FBXL7: variants seen among roughly 807,000 people sequenced by gnomAD.
The protein encoded by FBXL7 is F-box and leucine rich repeat protein 7, also known as F-box/LRR-repeat protein 7.
In FBXL7, 12 loss-of-function variants were observed where a neutral mutation model predicts 38.3. The ratio of observed to expected loss-of-function variants is 0.31; its 90% CI spans 0.20 to 0.51. The LOEUF is 0.51. FBXL7 is among the 20% of genes least tolerant of loss of function. The pLI, the probability that FBXL7 is intolerant of heterozygous loss-of-function variation, is 0.98. For missense variants in FBXL7, 567 were observed against 676.4 expected, an observed-to-expected ratio of 0.84 and a Z score of 1.79; for synonymous variants, 297 against 300.9, an observed-to-expected ratio of 0.99 and a Z score of 0.13.
intron 1 of FBXL7, among the ~76,000 whole-genome samples, chr5:15,546,257 C>G (rs1309641312): frequency 6.6e-6 from 1 of 151,788 alleles, no homozygotes; most frequent in African/African-American, 2.4e-5. Context: ...TGGTGAAACC[C>G]CATTTCTGCT....
At chr5:15,845,736 C>T (rs1738878781) in intron 2 of FBXL7, among the ~76,000 whole-genome samples, 1 of 152,082 alleles carries the variant, frequency 6.6e-6, no homozygotes, top group African/African-American at 2.4e-5. Flanking sequence ...CTTTGGGAGG[C>T]CAAGGTGGGT....
At chr5:15,847,528 A>G (rs1033959516) in intron 2 of FBXL7, among the ~76,000 whole-genome samples, 11 of 152,220 alleles carry the variant, frequency 7.2e-5, no homozygotes, top group Admixed American at 7.2e-4. Flanking sequence ...CCCCCACAAT[A>G]TCTGTCCTCT....
chr5:15,915,747 T>G (rs1480302210), intron 2 of FBXL7, among the ~76,000 whole-genome samples: 3 of 152,100 alleles, frequency 2.0e-5, no homozygotes, highest in Non-Finnish European at 4.4e-5. Flanking sequence ...AAGTAAACCC[T>G]GAATGCAGGA....
intron 2 of FBXL7, among the ~76,000 whole-genome samples, chr5:15,801,656 T>TGTGTGTGTGTGTGC (rs869247688): frequency 1.0e-4 from 15 of 147,022 alleles, no homozygotes; most frequent in African/African-American, 3.4e-4. Context: ...TGTGTGTGTG[T>TGTGTGTGTGTGTGC]GCGCGCGCGC....
intron 2 of FBXL7, among the ~76,000 whole-genome samples, chr5:15,837,021 C>T (rs1028392211): frequency 3.3e-5 from 5 of 152,120 alleles, no homozygotes; most frequent in African/African-American, 1.2e-4. Context: ...GTCCAGCAGA[C>T]AAATATCCAG....
intron 2 of FBXL7, among the ~76,000 whole-genome samples, chr5:15,836,520 G>T (rs1486547965): frequency 6.6e-6 from 1 of 152,128 alleles, no homozygotes; most frequent in Non-Finnish European, 1.5e-5. Flanking sequence ...ATAAAGATTT[G>T]CATGAGGTGA....
intron 2 of FBXL7, among the ~76,000 whole-genome samples, chr5:15,639,061 G>C (rs79835506): frequency 6.6e-6 from 1 of 152,176 alleles, no homozygotes; most frequent in Non-Finnish European, 1.5e-5. Context: ...GTATTTTGGG[G>C]ATCTCTCATG....
At chr5:15,728,810 G>A (rs1735491825) in intron 2 of FBXL7, among the ~76,000 whole-genome samples, 1 of 152,100 alleles carries the variant, frequency 6.6e-6, no homozygotes, top group Non-Finnish European at 1.5e-5. Flanking sequence ...TTAGAGGTAA[G>A]TCAATTGAAA....
chr5:15,930,306 T>G (rs1742005674), intron 3 of FBXL7, among the ~76,000 whole-genome samples: 2 of 152,234 alleles, frequency 1.3e-5, no homozygotes, highest in Non-Finnish European at 2.9e-5. Context: ...TAGATGTGTT[T>G]CCTCTTCATT....
At chr5:15,592,630 GT>G (rs543791165) in intron 1 of FBXL7, among the ~76,000 whole-genome samples, 21 of 152,266 alleles carry the variant, frequency 1.4e-4, no homozygotes, top group African/African-American at 3.9e-4. Context: ...CCCTAAGTGT[GT>G]TTTATAATAA....
chr5:15,772,435 T>C (rs561259770), intron 2 of FBXL7, among the ~76,000 whole-genome samples: 1 of 152,294 alleles, frequency 6.6e-6, no homozygotes, highest in Admixed American at 6.5e-5. Flanking sequence ...ACCCTCTCTT[T>C]CCATGGCATA....
At chr5:15,692,886 C>T (rs1002413068) in intron 2 of FBXL7, among the ~76,000 whole-genome samples, 5 of 152,108 alleles carry the variant, frequency 3.3e-5, no homozygotes, top group African/African-American at 1.2e-4. Flanking sequence ...TGAGTGCTGG[C>T]TCCTCCTTCA....
intron 2 of FBXL7, among the ~76,000 whole-genome samples, chr5:15,901,010 T>C (rs1444291805): frequency 6.6e-6 from 1 of 152,178 alleles, no homozygotes; most frequent in African/African-American, 2.4e-5. Context: ...CAAAAACACA[T>C]GTGGAAAAAT....
intron 1 of FBXL7, among the ~76,000 whole-genome samples, chr5:15,551,394 A>C (rs1738065384): frequency 6.6e-6 from 1 of 152,228 alleles, no homozygotes; most frequent in Non-Finnish European, 1.5e-5. Flanking sequence ...GGAACACTGC[A>C]TTATTTCTGC....
At chr5:15,526,432 A>G (rs905919309) in intron 1 of FBXL7, among the ~76,000 whole-genome samples, 5 of 152,216 alleles carry the variant, frequency 3.3e-5, no homozygotes, top group Non-Finnish European at 5.9e-5. Context: ...TTTGTGGGGA[A>G]CAAGAATTCC....
intron 2 of FBXL7, among the ~76,000 whole-genome samples, chr5:15,809,673 A>G (rs1330170438): frequency 6.6e-6 from 1 of 152,180 alleles, no homozygotes; most frequent in Non-Finnish European, 1.5e-5. Context: ...AGCTTTAAAC[A>G]TTTTGATAGA....
chr5:15,766,080 A>G (rs1736583547), intron 2 of FBXL7, among the ~76,000 whole-genome samples: 1 of 62,014 alleles, frequency 1.6e-5, no homozygotes, highest in African/African-American at 4.4e-5. Context: ...ACCTAACAGC[A>G]TCATAGAATT....
At chr5:15,868,970 T>A (rs1739836479) in intron 2 of FBXL7, among the ~76,000 whole-genome samples, 1 of 152,120 alleles carries the variant, frequency 6.6e-6, no homozygotes, top group African/African-American at 2.4e-5. Flanking sequence ...GTACTTACTC[T>A]CTCACTGTCT....
At chr5:15,903,894 G>A (rs527294600) in intron 2 of FBXL7, among the ~76,000 whole-genome samples, 21 of 152,190 alleles carry the variant, frequency 1.4e-4, no homozygotes, top group African/African-American at 4.6e-4. Context: ...AATCAGAATT[G>A]TAGTTAATGG....
Sources: gnomAD v4.1 joint callset for allele counts (sites outside exome capture counted in the v4.1 genomes callset) on GRCh38, gnomAD v4.1.1 for gene constraint, MANE v1.5 for transcripts, NCBI Gene and HGNC (gene_info 2026-07-23, HGNC 2026-07-21) for gene names.